Variants in DYRK1A observed in about 807,000 individuals in gnomAD.
DYRK1A encodes the protein dual specificity tyrosine phosphorylation regulated kinase 1A.
DYRK1A carries 9 observed loss-of-function variants against 79.7 expected under a neutral mutation model. The observed-to-expected ratio is 0.11, with a 90% CI of 0.07 to 0.20. The LOEUF (loss-of-function observed/expected upper bound fraction) is 0.20. DYRK1A is among the 10% of genes least tolerant of loss of function. The pLI, the probability that DYRK1A is intolerant of heterozygous loss-of-function variation, is 1.00. For missense variants in DYRK1A, 622 were observed against 956.0 expected (o/e 0.65, Z 4.61); for synonymous variants, 349 against 329.7 (o/e 1.06, Z -0.63).
chr21:37,439,306 C>G (rs2148472398), intron 2 of DYRK1A, among the ~76,000 whole-genome samples: 1 of 152,238 alleles, frequency 6.6e-6, no homozygotes, highest in East Asian at 1.9e-4. Context: ...TACATTGGCT[C>G]CAACCTCTAT....
intron 1 of DYRK1A, among the ~76,000 whole-genome samples, chr21:37,400,608 A>G (rs574929202): frequency 2.8e-4 from 43 of 152,322 alleles, no homozygotes; most frequent in African/African-American, 1.0e-3. Flanking sequence ...TTTTATAACA[A>G]TGGTTTTGAG....
In DYRK1A at chr21:37,525,669, A is replaced by G. The variant is rs1601351826; in HGVS notation, c.*13138A>G. 1 of 152,250 alleles carries G rather than the reference A, an allele frequency of 6.6e-6. No homozygotes were observed. The highest frequency in any genetic ancestry group is 1.5e-5 in the Non-Finnish European group (1 of 68,040). The allele number at this position is 152,250 out of a possible 1,614,324, so 9.4% of individuals were successfully genotyped here. A position where few individuals can be genotyped will look rare whatever the true frequency, so the allele number is the denominator to read the frequency against. On this transcript the variant is annotated 3_prime_UTR_variant, in exon 12 of 12. Transcript: ENST00000647188. ...AGTCAACAGATACTTTGTGAGAAAT[A>G]TTTGAATCTATCATGCATTATTGAA... is the stretch of plus-strand genomic sequence containing the variant.
chr21:37,509,170 AGTTT>A (rs929512032), intron 11 of DYRK1A, among the ~76,000 whole-genome samples: 9 of 152,268 alleles, frequency 5.9e-5, no homozygotes, highest in Non-Finnish European at 8.8e-5. Context: ...CAGTGTTATT[AGTTT>A]ATTAGTTTTT....
intron 1 of DYRK1A, among the ~76,000 whole-genome samples, chr21:37,368,438 G>A (rs2049362275): frequency 6.6e-6 from 1 of 152,204 alleles, no homozygotes; most frequent in African/African-American, 2.4e-5. Context: ...AGTTAAAAAT[G>A]GTAAAATTAG....
At chr21:37,400,838 T>C (rs1465030056) in intron 1 of DYRK1A, among the ~76,000 whole-genome samples, 6 of 152,096 alleles carry the variant, frequency 3.9e-5, no homozygotes, top group Non-Finnish European at 7.4e-5. Context: ...TAAAGTTGCT[T>C]GGTTAAATCA....
Position 37,490,200 on chromosome 21 carries a change from T to C in DYRK1A, c.663T>C (p.Phe221=). ...YIVHLKRHFM[F]RNHLCLVFEM... is the part of the protein sequence containing the mutation. The stretch of plus-strand genomic sequence containing the variant: ...TGCATTTGAAACGCCACTTTATGTT[T>C]CGAAACCATCTCTGTTTAGTTTTTG... Residue 221 remains phenylalanine (F), a synonymous_variant, in exon 7 of 12, where the codon TTT becomes TTC. Coordinates refer to ENST00000647188, the MANE Select transcript of DYRK1A (RefSeq NM_001347721.2). 6.2e-7 allele frequency: 1 copy of C among 1,613,214 alleles called. No individual in the cohort carries two copies. Among genetic ancestry groups the C allele is most frequent in the Middle Eastern group, 1.6e-4 (1 of 6,062 alleles).
chr21:37,457,537 T>TTTTGTGTTTAAC (rs1301527227), intron 2 of DYRK1A, among the ~76,000 whole-genome samples: 1 of 152,188 alleles, frequency 6.6e-6, no homozygotes, highest in East Asian at 1.9e-4. Flanking sequence ...GCGGCTGGCC[T>TTTTGTGTTTAAC]TTTGTGTTTA....
intron 2 of DYRK1A, among the ~76,000 whole-genome samples, chr21:37,440,879 C>A (rs1569323895): frequency 6.6e-6 from 1 of 152,146 alleles, no homozygotes; most frequent in Admixed American, 6.5e-5. Flanking sequence ...TTCTGCTGTT[C>A]TTTGGTAGAA....
At chr21:37,403,655 A>G (rs1423962253) in intron 1 of DYRK1A, among the ~76,000 whole-genome samples, 4 of 125,700 alleles carry the variant, frequency 3.2e-5, no homozygotes, top group Admixed American at 2.4e-4. Context: ...AAAAATATAT[A>G]TATATATATG....
At chr21:37,444,485 T>G (rs979108163) in intron 2 of DYRK1A, among the ~76,000 whole-genome samples, 2 of 152,196 alleles carry the variant, frequency 1.3e-5, no homozygotes, top group Non-Finnish European at 2.9e-5. Context: ...GGGTATCAGG[T>G]GTAGACCTGT....
At chr21:37,395,060 C>T (rs2049936404) in intron 1 of DYRK1A, among the ~76,000 whole-genome samples, 1 of 152,154 alleles carries the variant, frequency 6.6e-6, no homozygotes, top group Admixed American at 6.5e-5. Context: ...CTTCTTCATG[C>T]CCTGGATTGT....
intron 1 of DYRK1A, among the ~76,000 whole-genome samples, chr21:37,370,755 A>C (rs2049413082): frequency 6.6e-6 from 1 of 152,164 alleles, no homozygotes; most frequent in Non-Finnish European, 1.5e-5. Context: ...AAGAATCTTT[A>C]CTTTCTGTTG....
At chr21:37,418,003 A>G (rs1415780517) in intron 1 of DYRK1A, among the ~76,000 whole-genome samples, 1 of 152,224 alleles carries the variant, frequency 6.6e-6, no homozygotes, top group Non-Finnish European at 1.5e-5. Context: ...AAAAATGAAA[A>G]TATGACTGTC....
chr21:37,484,583 C>T (rs2052785016), intron 5 of DYRK1A, among the ~76,000 whole-genome samples: 1 of 152,086 alleles, frequency 6.6e-6, no homozygotes, highest in Non-Finnish European at 1.5e-5. Context: ...CCTGCCTTGG[C>T]CTCCCAAATC....
chr21:37,479,559 T>C (rs2052526213), intron 4 of DYRK1A, among the ~76,000 whole-genome samples: 3 of 150,956 alleles, frequency 2.0e-5, no homozygotes, highest in Non-Finnish European at 4.4e-5. Flanking sequence ...AGTATTTTTT[T>C]TTTTTACTAG....
chr21:37,478,046 A>G (rs774472785), intron 3 of DYRK1A, 162 bp from the exon 4 acceptor site: 34 of 923,202 alleles, frequency 3.7e-5, no homozygotes, highest in Non-Finnish European at 4.8e-5. Context: ...TGGAATCCAC[A>G]TGAAAGGGAA....
At chr21:37,383,284 A>G (rs1475263154) in intron 1 of DYRK1A, among the ~76,000 whole-genome samples, 5 of 152,232 alleles carry the variant, frequency 3.3e-5, no homozygotes, top group Non-Finnish European at 7.3e-5. Context: ...TGGTATCAGT[A>G]TAAGTTGCAG....
intron 1 of DYRK1A, among the ~76,000 whole-genome samples, chr21:37,387,230 C>T (rs935568133): frequency 2.6e-5 from 4 of 152,176 alleles, no homozygotes; most frequent in African/African-American, 9.7e-5. Flanking sequence ...TATTTAAGGT[C>T]GATGCCTATT....
chr21:37,376,759 A>G (rs1408542645), intron 1 of DYRK1A, among the ~76,000 whole-genome samples: 1 of 152,134 alleles, frequency 6.6e-6, no homozygotes, highest in East Asian at 1.9e-4. Context: ...TATCAAACAT[A>G]TAAGGTACGG....
Sources: allele counts gnomAD v4.1 joint callset (sites outside exome capture counted in the v4.1 genomes callset), GRCh38; gene constraint gnomAD v4.1.1; transcripts MANE v1.5; gene names NCBI Gene and HGNC (gene_info 2026-07-23, HGNC 2026-07-21).